ANKRD12: variants seen among roughly 807,000 people sequenced by gnomAD.
The protein encoded by ANKRD12 is ankyrin repeat domain 12.
A neutral mutation model predicts 183.4 loss-of-function variants in ANKRD12; 85 were observed. The ratio of observed to expected loss-of-function variants is 0.46; its 90% CI spans 0.39 to 0.56. ANKRD12 has a LOEUF of 0.56. Among genes scored for constraint, ANKRD12 ranks in the 20% least tolerant of loss-of-function variants. The probability of loss-of-function intolerance (pLI) is 0.00; values close to 1 mark genes in which losing one functional copy is unlikely to be tolerated. For synonymous variants in ANKRD12, 914 were observed against 800.2 expected, an observed-to-expected ratio of 1.14 and a Z score of -2.40; for missense variants, 2,405 against 2,357.1, an observed-to-expected ratio of 1.02 and a Z score of -0.42.
At position 9,282,593 on chromosome 18, in the gene ANKRD12, TATC is replaced by T. The variant is rs1412501156; in HGVS notation, c.*1470_*1472del. ...AGGAAAATTAGGTTAGCGTACAATT[TATC>T]ATAAATATATGAGGTAAAATTTGCA... is the stretch of plus-strand genomic sequence containing the variant. On this transcript the variant is annotated 3_prime_UTR_variant, in exon 13 of 13. Transcript: ENST00000262126. 2 of 152,566 alleles carry T rather than the reference TATC, an allele frequency of 1.3e-5. No homozygotes were observed. Among genetic ancestry groups the T allele is most frequent in the African/African-American group, 4.8e-5 (2 of 41,460 alleles). The allele number at this position is 152,566 out of a possible 1,614,324, so 9.5% of individuals were successfully genotyped here.
intron 10 of ANKRD12, among the ~76,000 whole-genome samples, chr18:9,274,558 G>A (rs774433911): frequency 2.0e-5 from 3 of 152,202 alleles, no homozygotes; most frequent in Non-Finnish European, 4.4e-5. Context: ...GGGGGTGGAG[G>A]GAGTAAGGAA....
In ANKRD12 at chr18:9,156,932, A is replaced by G. The variant is rs531281210; in HGVS notation, c.-52+19967A>G. Among the ~76,000 whole-genome samples the G allele has an allele frequency of 5.3e-5, 8 of 152,378 alleles. No individual in the cohort carries two copies. In the East Asian group the frequency reaches 1.5e-3, roughly 29 times the overall value. Reference sequence around the variant, plus strand: ...TGCACTTGCACGAAGTGCCTAGAGTAGGTTCATGGAGATAGAAAGAATGGT... The same window carrying G: ...TGCACTTGCACGAAGTGCCTAGAGTGGGTTCATGGAGATAGAAAGAATGGT... On this transcript the variant is annotated intron_variant, in intron 1 of 12. Coordinates refer to ENST00000262126, the MANE Select transcript of ANKRD12 (RefSeq NM_015208.5).
At chr18:9,178,343 C>CTT (rs35964343) in intron 1 of ANKRD12, among the ~76,000 whole-genome samples, 104,895 of 151,006 alleles carry the variant, frequency 0.69, 36,496 homozygotes, top group South Asian at 0.81. Flanking sequence ...CTCTCTCTCT[C>CTT]GTTTTTTGCA....
intron 1 of ANKRD12, among the ~76,000 whole-genome samples, chr18:9,159,070 C>T (rs924121713): frequency 3.3e-5 from 5 of 152,134 alleles, no homozygotes; most frequent in Non-Finnish European, 5.9e-5. Flanking sequence ...GCAAGATTAT[C>T]CAGACTCATC....
intron 3 of ANKRD12, among the ~76,000 whole-genome samples, chr18:9,197,792 T>G (rs1044294574): frequency 3.3e-5 from 5 of 152,192 alleles, no homozygotes; most frequent in Non-Finnish European, 7.3e-5. Context: ...GAGGGGTTGA[T>G]TTTGCTGTCT....
At chr18:9,169,650 T>A (rs1470664910) in intron 1 of ANKRD12, among the ~76,000 whole-genome samples, 1 of 152,186 alleles carries the variant, frequency 6.6e-6, no homozygotes, top group Non-Finnish European at 1.5e-5. Context: ...CACTGATAGG[T>A]CTTGACTCTT....
At chr18:9,162,181 C>G (rs776794356) in intron 1 of ANKRD12, among the ~76,000 whole-genome samples, 33 of 152,218 alleles carry the variant, frequency 2.2e-4, no homozygotes, top group Middle Eastern at 3.4e-3. Flanking sequence ...CTTCCTGATG[C>G]TATCCCTCCC....
chr18:9,218,137 A>G (rs1405101128), intron 7 of ANKRD12, among the ~76,000 whole-genome samples: 1 of 152,208 alleles, frequency 6.6e-6, no homozygotes, highest in Non-Finnish European at 1.5e-5. Flanking sequence ...TTCTAAGTGT[A>G]ATTTTAAAGA....
intron 1 of ANKRD12, among the ~76,000 whole-genome samples, chr18:9,164,234 A>T (rs1194561155): frequency 1.3e-5 from 2 of 152,120 alleles, no homozygotes; most frequent in South Asian, 2.1e-4. Context: ...ACATGAAGGG[A>T]TGTTGAATTT....
intron 7 of ANKRD12, among the ~76,000 whole-genome samples, chr18:9,219,550 T>G (rs1306844421): frequency 3.3e-5 from 5 of 152,064 alleles, no homozygotes; most frequent in African/African-American, 1.2e-4. Flanking sequence ...AGTAAATATT[T>G]TAGGCTTTGC....
Position 9,154,822 on chromosome 18 carries a change from G to A in ANKRD12, c.-52+17857G>A, listed in dbSNP as rs143427293. 2.8e-3 allele frequency among the ~76,000 whole-genome samples: 427 copies of A among 152,272 alleles called. 1 individual carries two copies. The highest frequency in any genetic ancestry group is 9.9e-3 in the African/African-American group (413 of 41,546). The stretch of plus-strand genomic sequence containing the variant: ...TGGATGGATGTTGGTGGCATTTATT[G>A]GAATAGAGAAGATTAACAGAAAAGA... On this transcript the variant is annotated intron_variant, in intron 1 of 12. Transcript: ENST00000262126.
chr18:9,168,132 G>A (rs994870218), intron 1 of ANKRD12, among the ~76,000 whole-genome samples: 4 of 152,280 alleles, frequency 2.6e-5, no homozygotes, highest in East Asian at 1.9e-4. Flanking sequence ...GTAATTTATC[G>A]AGGATTTTTG....
At chr18:9,160,323 G>T (rs898021254) in intron 1 of ANKRD12, among the ~76,000 whole-genome samples, 1 of 152,132 alleles carries the variant, frequency 6.6e-6, no homozygotes, top group Non-Finnish European at 1.5e-5. Context: ...CACCAGCTCA[G>T]TCTGGTCTCA....
intron 8 of ANKRD12, among the ~76,000 whole-genome samples, chr18:9,238,737 A>G (rs2037487757): frequency 6.6e-6 from 1 of 152,232 alleles, no homozygotes; most frequent in Admixed American, 6.5e-5. Context: ...TCTTCCAGCT[A>G]AACTGAGAGT....
intron 8 of ANKRD12, among the ~76,000 whole-genome samples, chr18:9,233,837 C>T (rs1410030075): frequency 6.6e-6 from 1 of 152,110 alleles, no homozygotes; most frequent in African/African-American, 2.4e-5. Context: ...ATTCTGAGCC[C>T]CAGCCCATCA....
At chr18:9,250,074 C>T (rs560207409) in intron 8 of ANKRD12, 3 of 152,254 alleles carry the variant, frequency 2.0e-5, no homozygotes, top group Non-Finnish European at 4.4e-5. Context: ...ATATTATTTG[C>T]TCAGCTAATA....
In ANKRD12 at chr18:9,281,171, A is replaced by C; in HGVS notation, c.*45A>C. ...GTATTGTCCTAAACTGGTGATGCTCAAGCATTATACTGTGGAATACTGCCT... is the reference window on the plus strand; with the variant it reads ...GTATTGTCCTAAACTGGTGATGCTCCAGCATTATACTGTGGAATACTGCCT... On this transcript the variant is annotated 3_prime_UTR_variant, in exon 13 of 13. Transcript: ENST00000262126. 16 of 1,533,250 alleles carry C rather than the reference A, an allele frequency of 1.0e-5. No individual in the cohort carries two copies. The highest frequency in any genetic ancestry group is 1.4e-5 in the African/African-American group (1 of 72,410). 95.0% of individuals were successfully genotyped at this position (1,533,250 alleles called of 1,614,324 possible).
At chr18:9,262,787 CTTTT>C (rs71168048) in intron 9 of ANKRD12, among the ~76,000 whole-genome samples, 2 of 83,774 alleles carry the variant, frequency 2.4e-5, no homozygotes, top group African/African-American at 1.1e-4. Context: ...CAAGATGTCC[CTTTT>C]TTTTTTTTTT....
At chr18:9,187,329 G>T (rs1403070619) in intron 2 of ANKRD12, among the ~76,000 whole-genome samples, 1 of 152,118 alleles carries the variant, frequency 6.6e-6, no homozygotes, top group African/African-American at 2.4e-5. Context: ...GAAGTAGAAG[G>T]ATTGCTTTAA....
Sources: gnomAD v4.1 joint callset for allele counts (sites outside exome capture counted in the v4.1 genomes callset) on GRCh38, gnomAD v4.1.1 for gene constraint, MANE v1.5 for transcripts, NCBI Gene and HGNC (gene_info 2026-07-23, HGNC 2026-07-21) for gene names.